Variants in TMCC1 observed in about 807,000 individuals in gnomAD.
The protein encoded by TMCC1 is transmembrane and coiled-coil domains protein 1.
A neutral mutation model predicts 52.4 loss-of-function variants in TMCC1; 15 were observed. The ratio of observed to expected loss-of-function variants is 0.29; its 90% CI spans 0.19 to 0.44. TMCC1 has a LOEUF of 0.44. TMCC1 is among the 20% of genes least tolerant of loss of function. TMCC1 has a pLI of 1.00. For missense variants in TMCC1, 503 were observed against 806.0 expected (o/e 0.62, Z 4.55); for synonymous variants, 279 against 301.9 (o/e 0.92, Z 0.79).
chr3:129,711,515 T>C (rs2048679501), intron 4 of TMCC1, among the ~76,000 whole-genome samples: 1 of 152,132 alleles, frequency 6.6e-6, no homozygotes, highest in Non-Finnish European at 1.5e-5. Context: ...ACATATGAAA[T>C]AATACTTATT....
In TMCC1 at chr3:129,688,698, G is replaced by A. The variant is rs146416327; in HGVS notation, c.577-17434C>T. 3,214 of 985,464 alleles carry A rather than the reference G, an allele frequency of 3.3e-3. 5 individuals are homozygous for A. Among genetic ancestry groups the A allele is most frequent in the Non-Finnish European group, 3.6e-3 (2,995 of 829,942 alleles). 61.0% of individuals were successfully genotyped at this position (985,464 alleles called of 1,614,324 possible). ...GCCAAACAAGCATCCGTGTGTGTGC[G>A]CGCGCACGCAGTTTGCTAGAGCAGC... On this transcript the variant is annotated intron_variant, in intron 4 of 6. Transcript: ENST00000393238.
rs1427722631 is a variant in TMCC1, at chr3:129,763,204, TAAAAAATA to T, written c.576+64591_576+64598del. On this transcript the variant is annotated intron_variant, in intron 4 of 6. Transcript: ENST00000393238. ...CAGAGCAAGACTCTGTCTCAAAAAA[TAAAAAATA>T]AATAAATAAATAAATAAATAAATAA... Among the ~76,000 whole-genome samples the T allele has an allele frequency of 5.7e-4, 61 of 107,002 alleles. 4 individuals carry two copies. Among genetic ancestry groups the T allele is most frequent in the African/African-American group, 2.8e-3 (60 of 21,112 alleles). 70.2% of individuals were successfully genotyped at this position (107,002 alleles called of 152,430 possible).
chr3:129,869,412 G>C (rs1577157803), intron 2 of TMCC1, among the ~76,000 whole-genome samples: 1 of 152,134 alleles, frequency 6.6e-6, no homozygotes, highest in African/African-American at 2.4e-5. Context: ...AGTCTTTCCA[G>C]TGAATTAACG....
chr3:129,812,336 CAAAAAA>C (rs11387876), intron 4 of TMCC1, among the ~76,000 whole-genome samples: 1 of 56,016 alleles, frequency 1.8e-5, no homozygotes, highest in Non-Finnish European at 2.9e-5. Context: ...GACTCTGTCT[CAAAAAA>C]AAAAAAAAAA....
At chr3:129,794,331 A>G (rs772923708) in intron 4 of TMCC1, 4 of 456,292 alleles carry the variant, frequency 8.8e-6, no homozygotes, top group South Asian at 6.2e-5. Flanking sequence ...CACCTTGGAT[A>G]GCTGCCTCCT....
At chr3:129,877,697 T>C (rs925741653) in intron 2 of TMCC1, among the ~76,000 whole-genome samples, 4 of 150,818 alleles carry the variant, frequency 2.7e-5, no homozygotes, top group Non-Finnish European at 4.4e-5. Context: ...GGCGCAATCT[T>C]GGCTCATTGC....
Position 129,804,209 on chromosome 3 carries a change from C to T in TMCC1, c.576+23594G>A, listed in dbSNP as rs2057338394. ...CTTCCTATTAAGAGACCACTTTAGC[C>T]TTATAAAATGTCATTCTTTATCTTT... On this transcript the variant is annotated intron_variant, in intron 4 of 6. Coordinates refer to ENST00000393238, the MANE Select transcript of TMCC1 (RefSeq NM_001017395.5). Among the ~76,000 whole-genome samples, 3 of 152,162 alleles carry T rather than the reference C, an allele frequency of 2.0e-5. No individual in the cohort carries two copies. In the South Asian group the frequency reaches 6.2e-4, roughly 32 times the overall value.
intron 4 of TMCC1, among the ~76,000 whole-genome samples, chr3:129,709,216 A>T (rs2048463132): frequency 6.6e-6 from 1 of 152,098 alleles, no homozygotes; most frequent in Non-Finnish European, 1.5e-5. Context: ...CAATCCTAGC[A>T]CTTTGGAAGG....
At position 129,778,676 on chromosome 3, in the gene TMCC1, G is replaced by GGGC. The variant is rs1553866336; in HGVS notation, c.576+49126_576+49127insGCC. Among the ~76,000 whole-genome samples the GGGC allele has an allele frequency of 4.6e-5, 7 of 150,838 alleles. No homozygotes were observed. In the East Asian group the frequency reaches 1.4e-3, roughly 29 times the overall value. On this transcript the variant is annotated intron_variant, in intron 4 of 6. Transcript: ENST00000393238. ...CATGGAAGGTGATTAGATCATGGTG[G>GGGC]GGGGGGGGCAGTCTCCCCATGCTGT...
At chr3:129,655,213 GA>G in intron 5 of TMCC1, 110 bp from the exon 6 acceptor site, 1 of 1,326,698 alleles carries the variant, frequency 7.5e-7, no homozygotes, top group Middle Eastern at 2.1e-4. Context: ...GAAGCACAAA[GA>G]AATTGAGTGG....
chr3:129,872,242 A>G (rs2060964359), intron 2 of TMCC1, among the ~76,000 whole-genome samples: 1 of 152,134 alleles, frequency 6.6e-6, no homozygotes, highest in Non-Finnish European at 1.5e-5. Flanking sequence ...TGGCTATCAT[A>G]TTCTCTTTCC....
intron 4 of TMCC1, among the ~76,000 whole-genome samples, chr3:129,730,739 A>T (rs2050475890): frequency 6.6e-6 from 1 of 152,246 alleles, no homozygotes; most frequent in Admixed American, 6.5e-5. Flanking sequence ...GATAATAGGG[A>T]ATGCCTACAA....
chr3:129,810,652 A>G (rs1198354148), intron 4 of TMCC1, among the ~76,000 whole-genome samples: 3 of 152,234 alleles, frequency 2.0e-5, no homozygotes, highest in African/African-American at 4.8e-5. Flanking sequence ...ACTTGATTCT[A>G]TGGTATAACT....
intron 4 of TMCC1, 72 bp downstream of exon 4, chr3:129,827,731 A>G: frequency 6.6e-7 from 1 of 1,510,754 alleles, no homozygotes; most frequent in South Asian, 1.3e-5. Flanking sequence ...TTTAGTTACC[A>G]AAGGAAAGTC....
At chr3:129,885,095 C>T (rs1271119350) in intron 1 of TMCC1, among the ~76,000 whole-genome samples, 2 of 151,472 alleles carry the variant, frequency 1.3e-5, no homozygotes, top group Admixed American at 6.6e-5. Flanking sequence ...GCTTTGATTG[C>T]ACCACTGCAC....
At chr3:129,697,046 T>C (rs2047463337) in intron 4 of TMCC1, among the ~76,000 whole-genome samples, 1 of 152,208 alleles carries the variant, frequency 6.6e-6, no homozygotes, top group Non-Finnish European at 1.5e-5. Context: ...GTCTGGAGAA[T>C]GGTGGCCCTC....
At chr3:129,764,238 C>A (rs941899841) in intron 4 of TMCC1, among the ~76,000 whole-genome samples, 3 of 152,196 alleles carry the variant, frequency 2.0e-5, no homozygotes, top group Non-Finnish European at 4.4e-5. Flanking sequence ...CATTATTCAG[C>A]CTCTACTAAT....
At chr3:129,719,792 C>T (rs950864239) in intron 4 of TMCC1, among the ~76,000 whole-genome samples, 1 of 152,066 alleles carries the variant, frequency 6.6e-6, no homozygotes, top group Non-Finnish European at 1.5e-5. Context: ...AAAGGCACAT[C>T]TGATTTGGCC....
chr3:129,838,708 G>T (rs975711728), intron 2 of TMCC1, among the ~76,000 whole-genome samples: 9 of 131,228 alleles, frequency 6.9e-5, no homozygotes, highest in African/African-American at 2.7e-4. Context: ...AGCCGAGATC[G>T]CGCCAATGCA....
Sources: allele counts gnomAD v4.1 joint callset (sites outside exome capture counted in the v4.1 genomes callset), GRCh38; gene constraint gnomAD v4.1.1; transcripts MANE v1.5; gene names NCBI Gene and HGNC (gene_info 2026-07-23, HGNC 2026-07-21).